SAFB: variants seen among roughly 807,000 people sequenced by gnomAD.
SAFB encodes the protein scaffold attachment factor B1.
A neutral mutation model predicts 101.6 loss-of-function variants in SAFB; 15 were observed. That is an observed-to-expected ratio of 0.15 (90% CI 0.10 to 0.23). The LOEUF (loss-of-function observed/expected upper bound fraction) is 0.23, where lower values mean the gene tolerates loss of function less well. Ranked by LOEUF, SAFB falls within the 10% of genes least tolerant of loss-of-function variation. SAFB has a pLI of 1.00. For synonymous variants in SAFB, 449 were observed against 407.5 expected, an observed-to-expected ratio of 1.10 and a Z score of -1.23; for missense variants, 930 against 1,104.1, an observed-to-expected ratio of 0.84 and a Z score of 2.23.
At chr19:5,647,465 T>A (rs2053849527) in intron 5 of SAFB, among the ~76,000 whole-genome samples, 1 of 151,580 alleles carries the variant, frequency 6.6e-6, no homozygotes, top group African/African-American at 2.4e-5. Context: ...CTGGGAAGAG[T>A]CTGAATGACT....
chr19:5,664,355 C>T, intron 16 of SAFB, 42 bp from the exon 17 acceptor site: 2 of 1,570,584 alleles, frequency 1.3e-6, no homozygotes, highest in East Asian at 4.5e-5. Flanking sequence ...TGTGAACAAG[C>T]CTCTTCTTCC....
chr19:5,634,761 G>A (rs910300831), intron 2 of SAFB, among the ~76,000 whole-genome samples: 1 of 152,134 alleles, frequency 6.6e-6, no homozygotes, highest in African/African-American at 2.4e-5. Flanking sequence ...GTGGCCTAGA[G>A]ACCAAAAGAT....
At chr19:5,660,913 C>A (rs992550283) in intron 14 of SAFB, among the ~76,000 whole-genome samples, 4 of 143,398 alleles carry the variant, frequency 2.8e-5, no homozygotes, top group African/African-American at 1.0e-4. Flanking sequence ...CACACTCACT[C>A]GCTATGAAGC....
intron 1 of SAFB, 147 bp from the exon 2 acceptor site, chr19:5,626,258 T>C: frequency 1.8e-6 from 1 of 550,856 alleles, no homozygotes; most frequent in South Asian, 2.4e-5. Context: ...AGATAACAGA[T>C]GAGTGGATGG....
chr19:5,653,936 TCACCATGTTGGC>T (rs1337842765), intron 11 of SAFB, 113 bp from the exon 12 acceptor site: 2 of 762,846 alleles, frequency 2.6e-6, no homozygotes, highest in Non-Finnish European at 4.3e-6. Flanking sequence ...AGATGGGGTT[TCACCATGTTGGC>T]CAGGCTGGTC....
chr19:5,634,147 C>T (rs1385357583), intron 2 of SAFB, among the ~76,000 whole-genome samples: 3 of 151,956 alleles, frequency 2.0e-5, no homozygotes, highest in Non-Finnish European at 2.9e-5. Flanking sequence ...TCAAGTCCTG[C>T]GAAATCACTA....
intron 9 of SAFB, among the ~76,000 whole-genome samples, chr19:5,652,512 G>A (rs967316678): frequency 3.9e-5 from 6 of 152,218 alleles, no homozygotes; most frequent in African/African-American, 1.2e-4. Context: ...CTCGGCCACT[G>A]GCTGCTGCAG....
chr19:5,649,678 T>C, intron 7 of SAFB, 179 bp downstream of exon 7: 3 of 666,694 alleles, frequency 4.5e-6, no homozygotes, highest in Non-Finnish European at 5.2e-6. Flanking sequence ...ATTCCTTTTC[T>C]TTTTCTCAAC....
At position 5,661,851 on chromosome 19, in the gene SAFB, C is replaced by T. The variant is rs750690752; in HGVS notation, c.2153+43C>T. On this transcript the variant is annotated intron_variant, in intron 15 of 20. Transcript: ENST00000588852. ...GCCCTTAGCACGTGGCGTTCAGAAT[C>T]GTGTTAGGGACCTCACAGTCCAGTT... 1.4e-5 allele frequency: 19 copies of T among 1,327,260 alleles called. No individual in the cohort carries two copies. In the Admixed American group the frequency reaches 1.7e-4, roughly 12 times the overall value. The allele number at this position is 1,327,260 out of a possible 1,614,324, so 82.2% of individuals were successfully genotyped here.
intron 14 of SAFB, among the ~76,000 whole-genome samples, chr19:5,659,152 A>AG (rs1453632606): frequency 6.6e-6 from 1 of 151,884 alleles, no homozygotes; most frequent in Non-Finnish European, 1.5e-5. Flanking sequence ...AAAAAAAAAA[A>AG]AAATCAGCTG....
chr19:5,639,600 G>A (rs1429748867), intron 2 of SAFB, among the ~76,000 whole-genome samples: 2 of 151,368 alleles, frequency 1.3e-5, no homozygotes, highest in African/African-American at 4.9e-5. Flanking sequence ...GGCTGAGGCA[G>A]GAGAATCACT....
intron 2 of SAFB, among the ~76,000 whole-genome samples, chr19:5,639,659 C>G (rs938158387): frequency 6.7e-6 from 1 of 148,934 alleles, no homozygotes; most frequent in Non-Finnish European, 1.5e-5. Context: ...GGCCACTGCA[C>G]TCCAGCCTGG....
intron 4 of SAFB, among the ~76,000 whole-genome samples, chr19:5,642,651 C>CTTTTCTTTTT (rs2053744573): frequency 1.4e-5 from 1 of 70,842 alleles, no homozygotes; most frequent in Non-Finnish European, 2.5e-5. Flanking sequence ...CCCTTCCTTT[C>CTTTTCTTTTT]TTTTTTTTTT....
intron 1 of SAFB, among the ~76,000 whole-genome samples, 192 bp downstream of exon 1, chr19:5,623,586 T>C (rs1233136942): frequency 2.6e-5 from 4 of 151,900 alleles, no homozygotes; most frequent in Non-Finnish European, 5.9e-5. Context: ...GTTCAAATCC[T>C]AACGCCGCAA....
intron 14 of SAFB, 138 bp downstream of exon 14, chr19:5,657,485 A>G: frequency 1.7e-6 from 1 of 597,336 alleles, no homozygotes; most frequent in Non-Finnish European, 3.0e-6. Flanking sequence ...CAGTTCATAG[A>G]CTTGTTATGT....
At chr19:5,644,741 CTTTG>C (rs1555697120) in intron 4 of SAFB, among the ~76,000 whole-genome samples, 1 of 152,190 alleles carries the variant, frequency 6.6e-6, no homozygotes, top group Non-Finnish European at 1.5e-5. Context: ...AACCCCCTTT[CTTTG>C]TTTGGGGAAT....
chr19:5,639,585 C>G (rs1346574428), intron 2 of SAFB, among the ~76,000 whole-genome samples: 1 of 151,092 alleles, frequency 6.6e-6, no homozygotes. Flanking sequence ...CCCAGCTACT[C>G]AGGCGGCTGA....
At chr19:5,648,771 G>C (rs1300248918) in intron 6 of SAFB, 1 of 728,508 alleles carries the variant, frequency 1.4e-6, no homozygotes, top group South Asian at 1.5e-5. Flanking sequence ...TCTCTGGGAT[G>C]CTTTTCTCTT....
chr19:5,642,407 T>TGGG (rs2053735611), intron 4 of SAFB, among the ~76,000 whole-genome samples: 1 of 152,074 alleles, frequency 6.6e-6, no homozygotes, highest in Non-Finnish European at 1.5e-5. Context: ...GATTGTGCAA[T>TGGG]TGAAGTCCAG....
Sources: gnomAD v4.1 joint callset for allele counts (sites outside exome capture counted in the v4.1 genomes callset) on GRCh38, gnomAD v4.1.1 for gene constraint, MANE v1.5 for transcripts, NCBI Gene and HGNC (gene_info 2026-07-23, HGNC 2026-07-21) for gene names.